The following NPR1 variants were observed in gnomAD, a reference collection of about 807,000 sequenced individuals.
NPR1 encodes atrial natriuretic peptide receptor 1.
NPR1 carries 57 observed loss-of-function variants against 116.9 expected under a neutral mutation model. The observed-to-expected ratio is 0.49, with a 90% CI of 0.39 to 0.61. NPR1 has a LOEUF of 0.61. Among genes scored for constraint, NPR1 ranks in the 20% least tolerant of loss-of-function variants. The pLI is 0.00. For missense variants in NPR1, 1,096 were observed against 1,409.8 expected, an observed-to-expected ratio of 0.78 and a Z score of 3.56; for synonymous variants, 555 against 601.6, an observed-to-expected ratio of 0.92 and a Z score of 1.13.
At position 153,693,601 on chromosome 1, in the gene NPR1, C is replaced by A. The variant is rs1670165261; in HGVS notation, c.*187C>A. On this transcript the variant is annotated 3_prime_UTR_variant, in exon 22 of 22. Coordinates refer to ENST00000368680, the MANE Select transcript of NPR1 (RefSeq NM_000906.4). ...TGAGAGGGGACTGGCATGGGGGGAT[C>A]TCAGAGCTTACAGGCTGAGCCAAGC... 2 of 537,332 alleles carry A rather than the reference C, an allele frequency of 3.7e-6. No individual in the cohort carries two copies. The highest frequency in any genetic ancestry group is 6.3e-5 in the East Asian group (2 of 31,586). 33.3% of individuals were successfully genotyped at this position (537,332 alleles called of 1,614,324 possible). A position where few individuals can be genotyped will look rare whatever the true frequency, so the allele number is the denominator to read the frequency against.
intron 21 of NPR1, 57 bp downstream of exon 21, chr1:153,693,254 T>C: frequency 6.2e-7 from 1 of 1,601,420 alleles, no homozygotes; most frequent in Non-Finnish European, 8.6e-7. Flanking sequence ...GGAGTTACCC[T>C]TCTCAAGCAG....
chr1:153,683,565 C>G, intron 6 of NPR1, 54 bp downstream of exon 6: 1 of 1,608,744 alleles, frequency 6.2e-7, no homozygotes, highest in Non-Finnish European at 8.5e-7. Context: ...CATCCTTCCC[C>G]TAAGCACAGT....
rs1157194667 is a variant in NPR1, at chr1:153,679,557, A to T, written c.449A>T (p.Asp150Val). 1.9e-6 allele frequency: 3 copies of T among 1,551,250 alleles called. No individual in the cohort carries two copies. The highest frequency in any genetic ancestry group is 1.2e-5 in the South Asian group (1 of 85,242). Reference protein sequence around the residue: ...GAPALGFGVKDEYALTTRAGP... With the variant: ...GAPALGFGVKVEYALTTRAGP... ...CCGGCGCTGGGCTTCGGTGTCAAGG[A>T]CGAGTATGCGCTGACCACCCGCGCG... The change falls in exon 1 of 22, where the codon GAC (aspartate) becomes GTC (valine). Residue 150 changes from aspartate to valine, a missense_variant. By Grantham distance (152) the Asp-to-Val change is radical. Coordinates refer to ENST00000368680, the MANE Select transcript of NPR1 (RefSeq NM_000906.4). The surrounding 1 kb of genome is among the most constrained non-coding windows in gnomAD (Gnocchi z 4.2).
intron 3 of NPR1, 139 bp downstream of exon 3, chr1:153,681,432 T>C: frequency 3.0e-6 from 2 of 659,676 alleles, no homozygotes; most frequent in Non-Finnish European, 5.3e-6. Context: ...CTCGTGATGA[T>C]GGAGGAGGAC....
intron 20 of NPR1, among the ~76,000 whole-genome samples, chr1:153,691,712 C>T (rs1235854480): frequency 6.6e-6 from 1 of 151,966 alleles, no homozygotes; most frequent in Non-Finnish European, 1.5e-5. Context: ...GCCTGGCCAA[C>T]ATGGTGAACC....
chr1:153,679,687 A>T lies in NPR1; in HGVS notation c.579A>T (p.Glu193Asp), dbSNP rs1480188809. ...TCTACGCCTACCGGCCGGGTGACGA[A>T]GAGCACTGCTTCTTCCTCGTGGAGG... ...LMLYAYRPGD[E>D]EHCFFLVEGL... The change falls in exon 1 of 22, where the codon GAA (glutamate) becomes GAT (aspartate). Residue 193 changes from glutamate to aspartate, a missense_variant. Coordinates refer to ENST00000368680, the MANE Select transcript of NPR1 (RefSeq NM_000906.4). The surrounding 1 kb of genome is among the most constrained non-coding windows in gnomAD (Gnocchi z 4.2). 1.2e-6 allele frequency: 2 copies of T among 1,609,584 alleles called. No individual in the cohort carries two copies. The highest frequency in any genetic ancestry group is 1.3e-5 in the African/African-American group (1 of 74,946).
intron 6 of NPR1, 58 bp from the exon 7 acceptor site, chr1:153,683,679 GTTC>G (rs1362169191): frequency 4.4e-6 from 7 of 1,575,792 alleles, no homozygotes; most frequent in Non-Finnish European, 6.1e-6. Context: ...CTATTAGAAA[GTTC>G]TTCCTCCTGC....
At position 153,690,322 on chromosome 1, in the gene NPR1, C is replaced by G. The variant is rs770508099; in HGVS notation, c.2971C>G (p.Arg991Gly). 2.6e-6 allele frequency: 4 copies of G among 1,560,914 alleles called. No homozygotes were observed. The South Asian group carries it at 4.7e-5, about 18-fold the overall frequency. ...CAGVVGLKMP[R>G]YCLFGDTVNT... ...TGGAGTGGTGGGACTGAAGATGCCC[C>G]GTTACTGTCTCTTTGGGGATACAGT... The change falls in exon 20 of 22, where the codon CGT becomes GGT. Residue 991 changes from arginine (R) to glycine (G), a missense_variant. By Grantham distance (125) the Arg-to-Gly change is moderately radical (BLOSUM62 -2). Coordinates refer to ENST00000368680, the MANE Select transcript of NPR1 (RefSeq NM_000906.4).
intron 5 of NPR1, 28 bp downstream of exon 5, chr1:153,682,617 C>G: frequency 1.3e-6 from 2 of 1,544,542 alleles, no homozygotes; most frequent in Non-Finnish European, 1.8e-6. Context: ...GAAGACAGTG[C>G]CAATTCCAAA....
intron 8 of NPR1, 120 bp from the exon 9 acceptor site, chr1:153,685,686 A>T (rs1297451572): frequency 2.6e-6 from 2 of 771,448 alleles, no homozygotes; most frequent in African/African-American, 1.7e-5. Context: ...AACAACAAAA[A>T]GGAAGGGTGA....
At position 153,687,788 on chromosome 1, in the gene NPR1, A is replaced by C; in HGVS notation, c.2247A>C (p.Lys749Asn). ...TGGAAGGTTTGGACCTGAGCCCCAA[A>C]GGTGAGAGGAGCACACCTTCCTTAA... ...FHVEGLDLSP[K>N]EIIERVTRGE... is the part of the protein sequence containing the mutation. The change falls in exon 14 of 22, where the codon AAA becomes AAC. Residue 749 changes from lysine (K) to asparagine (N), a missense_variant and splice_region_variant. Lys to Asn is a moderately conservative substitution (Grantham distance 94). Coordinates refer to ENST00000368680, the MANE Select transcript of NPR1 (RefSeq NM_000906.4). 1.9e-6 allele frequency: 3 copies of C among 1,578,634 alleles called. No individual in the cohort carries two copies. The highest frequency in any genetic ancestry group is 2.6e-6 in the Non-Finnish European group (3 of 1,156,458).
In NPR1 at chr1:153,693,491, C is replaced by A; in HGVS notation, c.*77C>A. ...CAGAGGTGCCAGGCCTCAGCCTCAC[C>A]CACAGCAGCCCCATCGCCAAAGGAT... On this transcript the variant is annotated 3_prime_UTR_variant, in exon 22 of 22. Coordinates refer to ENST00000368680, the MANE Select transcript of NPR1 (RefSeq NM_000906.4). 4 of 1,291,160 alleles carry A rather than the reference C, an allele frequency of 3.1e-6. No individual in the cohort carries two copies. The highest frequency in any genetic ancestry group is 4.3e-6 in the Non-Finnish European group (4 of 925,438). 80.0% of individuals were successfully genotyped at this position (1,291,160 alleles called of 1,614,324 possible).
Position 153,678,984 on chromosome 1 carries a change from GT to G in NPR1, c.-124del, listed in dbSNP as rs1274993571. 2 of 1,219,462 alleles carry G rather than the reference GT, an allele frequency of 1.6e-6. No homozygotes were observed. Among genetic ancestry groups the G allele is most frequent in the African/African-American group, 3.2e-5 (2 of 62,302 alleles). The allele number at this position is 1,219,462 out of a possible 1,614,324, so 75.5% of individuals were successfully genotyped here. ...GGGGGCCTCGAGCCCCGGGGTGAGC[GT>G]CCCCGTCCCGCTCCTGCTCCTTCCC... On this transcript the variant is annotated 5_prime_UTR_variant, in exon 1 of 22. Transcript: ENST00000368680. The surrounding 1 kb of genome is among the most constrained non-coding windows in gnomAD (Gnocchi z 5.8).
intron 3 of NPR1, 184 bp downstream of exon 3, chr1:153,681,477 A>G (rs1337196214): frequency 1.6e-6 from 1 of 639,634 alleles, no homozygotes; most frequent in African/African-American, 1.8e-5. Context: ...TCAGGTCATC[A>G]TCAGTAATAT....
chr1:153,689,887 C>T lies in NPR1; in HGVS notation c.2839C>T (p.Arg947Cys), dbSNP rs1279877574. 16 of 1,581,724 alleles carry T rather than the reference C, an allele frequency of 1.0e-5. No homozygotes were observed. The highest frequency in any genetic ancestry group is 2.3e-5 in the East Asian group (1 of 43,372). Reference protein sequence around the residue: ...NGRLHACEVARMALALLDAVR... With the variant: ...NGRLHACEVACMALALLDAVR... ...GCGGCTACACGCCTGCGAGGTAGCC[C>T]GCATGGCCCTGGCACTGCTGGATGC... Residue 947 changes from arginine to cysteine, a missense_variant, in exon 19 of 22, where the codon CGC becomes TGC. Arg to Cys is a radical substitution (Grantham distance 180). Coordinates refer to ENST00000368680, the MANE Select transcript of NPR1 (RefSeq NM_000906.4). The surrounding 1 kb of genome is among the most constrained non-coding windows in gnomAD (Gnocchi z 5.1).
At chr1:153,687,587 T>C in intron 13 of NPR1, 47 bp from the exon 14 acceptor site, 3 of 1,542,570 alleles carry the variant, frequency 1.9e-6, no homozygotes, top group Non-Finnish European at 2.6e-6. Context: ...CCTCACCCCT[T>C]AGCTTTGGGC....
chr1:153,686,878 T>C, intron 11 of NPR1, 128 bp downstream of exon 11: 4 of 1,246,926 alleles, frequency 3.2e-6, no homozygotes, highest in Non-Finnish European at 4.6e-6. Flanking sequence ...AAAATGGGAG[T>C]TGGGGAAGGG....
rs1669736300 is a variant in NPR1, at chr1:153,680,458, G to T, written c.722-43G>T. The T allele has an allele frequency of 3.8e-6, 6 of 1,592,010 alleles. No homozygotes were observed. The African/African-American group carries it at 4.0e-5, about 11-fold the overall frequency. ...CAGCTTTCCTACTCCTGTCTCTCCC[G>T]CAGTACCTAGGCTTCTCTCTCTGAC... is the stretch of plus-strand genomic sequence containing the variant. On this transcript the variant is annotated intron_variant, in intron 1 of 21. Coordinates refer to ENST00000368680, the MANE Select transcript of NPR1 (RefSeq NM_000906.4).
intron 9 of NPR1, 29 bp from the exon 10 acceptor site, chr1:153,686,094 C>T: frequency 1.2e-6 from 2 of 1,608,208 alleles, no homozygotes; most frequent in South Asian, 2.2e-5. Flanking sequence ...CCATGCTCTT[C>T]ACAGTGACAG....
Sources: allele counts gnomAD v4.1 joint callset (sites outside exome capture counted in the v4.1 genomes callset), GRCh38; gene constraint gnomAD v4.1.1; non-coding constraint Gnocchi (gnomAD v3.1); transcripts MANE v1.5; gene names NCBI Gene and HGNC (gene_info 2026-07-23, HGNC 2026-07-21).